The following LTBP1 variants were observed in gnomAD, a reference collection of about 807,000 sequenced individuals.
LTBP1 encodes latent-transforming growth factor beta-binding protein 1.
In LTBP1, 129 loss-of-function variants were observed where a neutral mutation model predicts 207.6. The ratio of observed to expected loss-of-function variants is 0.62; its 90% CI spans 0.54 to 0.72. LTBP1 has a LOEUF of 0.72. Among genes scored for constraint, LTBP1 ranks in the 30% least tolerant of loss-of-function variants. The probability of loss-of-function intolerance (pLI) is 0.00; values close to 1 mark genes in which losing one functional copy is unlikely to be tolerated. For missense variants in LTBP1, 2,281 were observed against 2,217.2 expected, an observed-to-expected ratio of 1.03 and a Z score of -0.58; for synonymous variants, 963 against 833.7, an observed-to-expected ratio of 1.16 and a Z score of -2.67.
intron 5 of LTBP1, among the ~76,000 whole-genome samples, chr2:33,148,591 CA>C (rs2150935311): frequency 6.6e-6 from 1 of 152,284 alleles, no homozygotes; most frequent in East Asian, 1.9e-4. Flanking sequence ...TCCTCTTTCC[CA>C]CATGGTCTAC....
chr2:33,265,154 A>T (rs1429596538), intron 15 of LTBP1, among the ~76,000 whole-genome samples: 1 of 152,188 alleles, frequency 6.6e-6, no homozygotes, highest in Non-Finnish European at 1.5e-5. Flanking sequence ...AACAATTCAA[A>T]GGCCTTTTTC....
chr2:33,358,596 T>A (rs1488221613), intron 26 of LTBP1, among the ~76,000 whole-genome samples: 2 of 152,116 alleles, frequency 1.3e-5, no homozygotes, highest in African/African-American at 4.8e-5. Context: ...TACAACTTTG[T>A]ACATGAGGGA....
intron 3 of LTBP1, among the ~76,000 whole-genome samples, chr2:33,060,394 A>G (rs1275389109): frequency 6.6e-6 from 1 of 152,094 alleles, no homozygotes; most frequent in African/African-American, 2.4e-5. Flanking sequence ...ATTCAAGGTA[A>G]GTTTCTTTTG....
chr2:33,150,041 T>C (rs79752179), intron 5 of LTBP1, among the ~76,000 whole-genome samples: 2,269 of 152,282 alleles, frequency 0.015, 23 homozygotes, highest in East Asian at 0.027. Flanking sequence ...ATTTAACTCA[T>C]TGAAAAAAGA....
intron 3 of LTBP1, among the ~76,000 whole-genome samples, chr2:33,041,874 G>T (rs2076202968): frequency 6.6e-6 from 1 of 152,106 alleles, no homozygotes; most frequent in Admixed American, 6.6e-5. Flanking sequence ...AAGAGGTGAG[G>T]TAGCTGAGAG....
chr2:33,329,258 A>T (rs558497808), intron 24 of LTBP1, among the ~76,000 whole-genome samples: 10 of 152,272 alleles, frequency 6.6e-5, no homozygotes, highest in African/African-American at 2.2e-4. Flanking sequence ...TTGTGAAGAT[A>T]TATCTTTAAC....
intron 3 of LTBP1, among the ~76,000 whole-genome samples, chr2:33,080,072 G>T (rs545166709): frequency 9.9e-4 from 150 of 152,226 alleles, no homozygotes; most frequent in African/African-American, 3.5e-3. Flanking sequence ...TGTCACCCAG[G>T]CTGGAGTGCA....
chr2:33,265,185 A>G (rs775463931), intron 15 of LTBP1, among the ~76,000 whole-genome samples: 2 of 152,206 alleles, frequency 1.3e-5, no homozygotes, highest in Non-Finnish European at 2.9e-5. Flanking sequence ...ACCCTCACAG[A>G]CACACCCAGA....
At chr2:33,092,087 C>A (rs1228458346) in intron 3 of LTBP1, among the ~76,000 whole-genome samples, 1 of 152,162 alleles carries the variant, frequency 6.6e-6, no homozygotes, top group African/African-American at 2.4e-5. Context: ...AGTAGGTAAT[C>A]TTGTTCTATA....
intron 5 of LTBP1, among the ~76,000 whole-genome samples, chr2:33,174,271 C>G (rs2085784702): frequency 6.7e-6 from 1 of 149,742 alleles, no homozygotes; most frequent in Admixed American, 6.7e-5. Flanking sequence ...CATCTCAGCC[C>G]AAAATCTCCT....
intron 3 of LTBP1, among the ~76,000 whole-genome samples, chr2:33,100,206 C>T (rs1391190342): frequency 2.0e-5 from 3 of 152,196 alleles, no homozygotes; most frequent in Admixed American, 6.5e-5. Context: ...ACTGACAGCT[C>T]ATGCTGTGGT....
chr2:33,157,711 G>A (rs1460324583), intron 5 of LTBP1, among the ~76,000 whole-genome samples: 1 of 152,198 alleles, frequency 6.6e-6, no homozygotes, highest in Non-Finnish European at 1.5e-5. Context: ...CAGTTTGCAT[G>A]TGTACGAGGA....
chr2:32,973,288 T>A (rs1681199024), intron 2 of LTBP1, among the ~76,000 whole-genome samples: 1 of 152,200 alleles, frequency 6.6e-6, no homozygotes, highest in Admixed American at 6.5e-5. Flanking sequence ...TCTTTGTAGG[T>A]CTCCAATAAC....
At chr2:33,044,462 G>T (rs1305278255) in intron 3 of LTBP1, among the ~76,000 whole-genome samples, 9 of 152,144 alleles carry the variant, frequency 5.9e-5, no homozygotes, top group African/African-American at 2.2e-4. Flanking sequence ...TTTTATGGCT[G>T]CATAGCATTC....
chr2:32,953,912 G>A (rs775072216), intron 2 of LTBP1, among the ~76,000 whole-genome samples: 10 of 152,202 alleles, frequency 6.6e-5, no homozygotes, highest in Non-Finnish European at 1.0e-4. Flanking sequence ...TGGAGTGTGA[G>A]GGCTATGTCA....
intron 16 of LTBP1, 84 bp downstream of exon 16, chr2:33,273,865 A>G (rs2093370283): frequency 1.6e-6 from 2 of 1,286,982 alleles, no homozygotes; most frequent in Admixed American, 2.8e-5. Context: ...CAACTTAACC[A>G]TTTTGGGAAA....
At chr2:33,147,199 A>G (rs1213699054) in intron 5 of LTBP1, among the ~76,000 whole-genome samples, 1 of 152,188 alleles carries the variant, frequency 6.6e-6, no homozygotes, top group African/African-American at 2.4e-5. Context: ...CTAAATCAGA[A>G]TTTCTCAGTG....
intron 5 of LTBP1, among the ~76,000 whole-genome samples, chr2:33,162,631 A>G (rs1025293027): frequency 6.6e-6 from 1 of 152,208 alleles, no homozygotes; most frequent in Non-Finnish European, 1.5e-5. Flanking sequence ...CTAAGCATAA[A>G]TCACTCATGA....
intron 25 of LTBP1, 135 bp downstream of exon 25, chr2:33,343,098 G>C (rs1225993179): frequency 9.0e-7 from 1 of 1,114,652 alleles, no homozygotes; most frequent in Non-Finnish European, 1.2e-6. Flanking sequence ...ACAATTTGAG[G>C]ATGTGCAAAA....
Sources: gnomAD v4.1 joint callset for allele counts (sites outside exome capture counted in the v4.1 genomes callset) on GRCh38, gnomAD v4.1.1 for gene constraint, MANE v1.5 for transcripts, NCBI Gene and HGNC (gene_info 2026-07-23, HGNC 2026-07-21) for gene names.